DNAH2: variants seen among roughly 807,000 people sequenced by gnomAD.
DNAH2 encodes dynein axonemal heavy chain 2, also known as axonemal beta dynein heavy chain 2.
A neutral mutation model predicts 523.5 loss-of-function variants in DNAH2; 323 were observed. The observed-to-expected ratio is 0.62, with a 90% CI of 0.56 to 0.68. The LOEUF (loss-of-function observed/expected upper bound fraction) is 0.68. DNAH2 is among the 30% of genes least tolerant of loss of function. The pLI, the probability that DNAH2 is intolerant of heterozygous loss-of-function variation, is 0.00. For missense variants in DNAH2, 4,907 were observed against 5,701.5 expected, an observed-to-expected ratio of 0.86 and a Z score of 4.49; for synonymous variants, 2,093 against 2,177.4, an observed-to-expected ratio of 0.96 and a Z score of 1.08.
chr17:7,824,398 C>T, intron 76 of DNAH2, 94 bp downstream of exon 76: 1 of 1,456,104 alleles, frequency 6.9e-7, no homozygotes, highest in Non-Finnish European at 9.1e-7. Flanking sequence ...CTGTACCTCC[C>T]ACTTCTACAG....
chr17:7,727,209 G>A lies in DNAH2; in HGVS notation c.316G>A (p.Ala106Thr), dbSNP rs1310270392. The change falls in exon 4 of 86, where the codon GCC becomes ACC. Residue 106 changes from alanine (A) to threonine (T), a missense_variant. By Grantham distance (58) the Ala-to-Thr change is moderately conservative. This residue lies in a region of DNAH2 where 2,806 missense variants were observed against 3,190.8 expected (regional missense o/e 0.88). Coordinates refer to ENST00000572933, the MANE Select transcript of DNAH2 (RefSeq NM_020877.5). ...QEHDAILEHFAQDPTESILTI... is the reference protein window; with the variant it reads ...QEHDAILEHFTQDPTESILTI... ...GCATGATGCCATTCTGGAACACTTT[G>A]CCCAGGACCCTACAGAATCCATCCT... is the stretch of plus-strand genomic sequence containing the variant. 6.2e-7 allele frequency: 1 copy of A among 1,610,228 alleles called. No homozygotes were observed. Among genetic ancestry groups the A allele is most frequent in the Non-Finnish European group, 8.5e-7 (1 of 1,178,570 alleles).
rs955430822 is a variant in DNAH2, at chr17:7,795,722, C to T, written c.7675-742C>T. Among the ~76,000 whole-genome samples the T allele has an allele frequency of 1.0e-4, 15 of 146,908 alleles. No homozygotes were observed. In the East Asian group the frequency reaches 1.8e-3, roughly 17 times the overall value. ...ATATATATATAGTGTTAAGGCTGGG[C>T]GCAGTAGCTCTCGCCTGTAATCCCA... On this transcript the variant is annotated intron_variant, in intron 49 of 85. Coordinates refer to ENST00000572933, the MANE Select transcript of DNAH2 (RefSeq NM_020877.5).
chr17:7,821,461 G>T lies in DNAH2; in HGVS notation c.11142+92G>T. 3 of 1,466,672 alleles carry T rather than the reference G, an allele frequency of 2.0e-6. No homozygotes were observed. Among genetic ancestry groups the T allele is most frequent in the Non-Finnish European group, 2.7e-6 (3 of 1,096,248 alleles). 90.9% of individuals were successfully genotyped at this position (1,466,672 alleles called of 1,614,324 possible). A position where few individuals can be genotyped will look rare whatever the true frequency, so the allele number is the denominator to read the frequency against. On this transcript the variant is annotated intron_variant, in intron 73 of 85. Transcript: ENST00000572933. This position sits in a 1 kb window ranked among gnomAD's most constrained non-coding sequence, Gnocchi z 5.0. ...AAGGACTCCAGACCCAGAGGGTCAG[G>T]CCCACAGCATCAGTGAGTGAGCTGA...
chr17:7,796,768 T>C, intron 50 of DNAH2, 116 bp downstream of exon 50: 1 of 1,187,936 alleles, frequency 8.4e-7, no homozygotes, highest in Non-Finnish European at 1.2e-6. Flanking sequence ...ACCCCCATGC[T>C]GAAGTGCCAC....
chr17:7,764,355 G>A (rs2076093878), intron 20 of DNAH2, 82 bp downstream of exon 20: 1 of 1,499,312 alleles, frequency 6.7e-7, no homozygotes, highest in South Asian at 1.3e-5. Flanking sequence ...TCCTCGGGGA[G>A]AGTAGAGAAG....
chr17:7,780,168 C>T lies in DNAH2; in HGVS notation c.5734C>T (p.Arg1912Cys), dbSNP rs143690370. The T allele has an allele frequency of 6.2e-4, 1,000 of 1,612,520 alleles. No homozygotes were observed. The highest frequency in any genetic ancestry group is 6.7e-4 in the Non-Finnish European group (789 of 1,179,304). Residue 1912 changes from arginine to cysteine, a missense_variant, in exon 37 of 86, where the codon CGC (arginine) becomes TGC (cysteine). Arg to Cys is a radical substitution (Grantham distance 180). Coordinates refer to ENST00000572933, the MANE Select transcript of DNAH2 (RefSeq NM_020877.5). This position sits in a 1 kb window ranked among gnomAD's most constrained non-coding sequence, Gnocchi z 4.4. The part of the protein sequence containing the change: ...FITMNPGYAG[R>C]TELPENLKSM... ...GCATTGTTTTCCAGGCTATGCTGGC[C>T]GCACAGAGCTTCCCGAAAATCTTAA...
intron 15 of DNAH2, 109 bp from the exon 16 acceptor site, chr17:7,759,313 C>T (rs1430882717): frequency 4.1e-6 from 6 of 1,463,760 alleles, no homozygotes; most frequent in Middle Eastern, 2.5e-4. Context: ...CAGCGTCCTG[C>T]GTTTCCATTA....
At chr17:7,761,021 G>C in intron 18 of DNAH2, 89 bp downstream of exon 18, 2 of 1,495,182 alleles carry the variant, frequency 1.3e-6, no homozygotes, top group South Asian at 1.3e-5. Flanking sequence ...GAAGTGGGTA[G>C]GGGAGCTGAG....
rs1815134868 is a variant in DNAH2 at position 7,776,119 on chromosome 17, G to C, written c.4917G>C (p.Arg1639Ser). Residue 1639 changes from arginine (R) to serine (S), a missense_variant, in exon 31 of 86, where the codon AGG becomes AGC. Around this residue, in one of 3 missense-constraint regions of DNAH2, gnomAD observed 2,806 missense variants for 3,190.8 expected, o/e 0.88. Coordinates refer to ENST00000572933, the MANE Select transcript of DNAH2 (RefSeq NM_020877.5). ...CCCTCAGGAAGTTCCTCAACAAGAG[G>C]GACAAATGGGTGAAGGAGTGGGCTG... ...HLALRKFLNKRDKWVKEWAGQ... is the reference protein window; with the variant it reads ...HLALRKFLNKSDKWVKEWAGQ... The C allele has an allele frequency of 1.2e-6, 2 of 1,613,820 alleles. No homozygotes were observed. Among genetic ancestry groups the C allele is most frequent in the South Asian group, 2.2e-5 (2 of 91,082 alleles).
At chr17:7,774,555 G>A (rs867576347) in intron 28 of DNAH2, among the ~76,000 whole-genome samples, 1 of 152,182 alleles carries the variant, frequency 6.6e-6, no homozygotes, top group South Asian at 2.1e-4. Flanking sequence ...GTACAATAGT[G>A]CATAATGAAT....
chr17:7,766,703 A>G (rs1181306321), intron 22 of DNAH2, among the ~76,000 whole-genome samples: 1 of 127,622 alleles, frequency 7.8e-6, no homozygotes, highest in Non-Finnish European at 1.6e-5. Flanking sequence ...GCTGGAGTGC[A>G]GTGGCACAAT....
At chr17:7,739,617 T>A (rs2075247001) in intron 8 of DNAH2, 116 bp from the exon 9 acceptor site, 1 of 968,404 alleles carries the variant, frequency 1.0e-6, no homozygotes, top group Admixed American at 2.8e-5. Flanking sequence ...CTTTTTTTTT[T>A]TTTCACTTGC....
At chr17:7,729,735 C>G (rs761112866) in intron 4 of DNAH2, among the ~76,000 whole-genome samples, 1 of 152,144 alleles carries the variant, frequency 6.6e-6, no homozygotes, top group Non-Finnish European at 1.5e-5. Context: ...CGGCTTGAGC[C>G]GAGGTGTTTT....
At position 7,817,814 on chromosome 17, in the gene DNAH2, G is replaced by A. The variant is rs770079477; in HGVS notation, c.10194G>A (p.Gln3398=). ...GGTGGGCACTGATGATCGACCCTCA[G>A]GCCCAGGCCCTGAAATGGATTAAGA... ...GNRWALMIDP[Q]AQALKWIKNM... Residue 3398 remains glutamine, a synonymous_variant, in exon 67 of 86, where the codon CAG becomes CAA. Coordinates refer to ENST00000572933, the MANE Select transcript of DNAH2 (RefSeq NM_020877.5). 1.2e-6 allele frequency: 2 copies of A among 1,614,132 alleles called. No individual in the cohort carries two copies. Among genetic ancestry groups the A allele is most frequent in the South Asian group, 2.2e-5 (2 of 91,082 alleles).
At chr17:7,729,755 T>TAAAGG (rs1273544589) in intron 4 of DNAH2, among the ~76,000 whole-genome samples, 1 of 152,096 alleles carries the variant, frequency 6.6e-6, no homozygotes, top group East Asian at 1.9e-4. Flanking sequence ...TAACAAAGAT[T>TAAAGG]TTTCACTGCC....
intron 63 of DNAH2, among the ~76,000 whole-genome samples, chr17:7,815,612 A>G (rs1289277406): frequency 6.6e-6 from 1 of 151,144 alleles, no homozygotes; most frequent in East Asian, 1.9e-4. Context: ...ATACACATAC[A>G]GGATCACACA....
intron 12 of DNAH2, among the ~76,000 whole-genome samples, chr17:7,751,836 T>C (rs1408017459): frequency 6.6e-6 from 1 of 152,146 alleles, no homozygotes; most frequent in Non-Finnish European, 1.5e-5. Context: ...CCTATTTTTA[T>C]AGGAATAGAG....
intron 32 of DNAH2, among the ~76,000 whole-genome samples, 178 bp from the exon 33 acceptor site, chr17:7,777,268 C>T (rs2076481254): frequency 6.6e-6 from 1 of 151,914 alleles, no homozygotes; most frequent in Admixed American, 6.6e-5. Context: ...AGGGCCAGAG[C>T]GAGGGTGCTT....
chr17:7,770,598 C>T lies in DNAH2; in HGVS notation c.4140C>T (p.Leu1380=), dbSNP rs763629221. Residue 1380 remains leucine (L), a synonymous_variant, in exon 26 of 86, where the codon CTC becomes CTT. Transcript: ENST00000572933. ...CCAAGACCTGGGATGTGACTCAGCT[C>T]GACATAGTACCCTACAAGGATAAGG... The part of the protein sequence containing the change: ...NIAKTWDVTQ[L]DIVPYKDKGH... The T allele has an allele frequency of 7.4e-6, 12 of 1,613,922 alleles. No individual in the cohort carries two copies. The highest frequency in any genetic ancestry group is 5.3e-5 in the African/African-American group (4 of 74,850).
Sources: gnomAD v4.1 joint callset for allele counts (sites outside exome capture counted in the v4.1 genomes callset) on GRCh38, gnomAD v4.1.1 for gene constraint, gnomAD v4.1.1 regional missense constraint, Gnocchi (gnomAD v3.1) non-coding constraint, MANE v1.5 for transcripts, NCBI Gene and HGNC (gene_info 2026-07-23, HGNC 2026-07-21) for gene names.